CEP76: variants seen among roughly 807,000 people sequenced by gnomAD.
CEP76 encodes centrosomal protein 76.
CEP76 carries 55 observed loss-of-function variants against 83.3 expected under a neutral mutation model. The observed-to-expected ratio is 0.66, with a 90% CI of 0.53 to 0.83. The LOEUF is 0.83. Among genes scored for constraint, CEP76 ranks in the 40% least tolerant of loss-of-function variants. The probability of loss-of-function intolerance (pLI) is 0.00; values close to 1 mark genes in which losing one functional copy is unlikely to be tolerated. For synonymous variants in CEP76, 270 were observed against 274.5 expected (o/e 0.98, Z 0.16); for missense variants, 694 against 799.5 (o/e 0.87, Z 1.59).
chr18:12,683,608 G>A (rs1160443891), intron 8 of CEP76, among the ~76,000 whole-genome samples: 1 of 151,694 alleles, frequency 6.6e-6, no homozygotes, highest in African/African-American at 2.4e-5. Flanking sequence ...AAAATGAGCT[G>A]GGGGTGGTGG....
In CEP76 at chr18:12,678,131, A is replaced by T; in HGVS notation, c.1601T>A (p.Leu534His). The T allele has an allele frequency of 6.2e-7, 1 of 1,612,810 alleles. No homozygotes were observed. The highest frequency in any genetic ancestry group is 8.5e-7 in the Non-Finnish European group (1 of 1,178,788). Residue 534 changes from leucine (L) to histidine (H), a missense_variant, in exon 10 of 12, where the codon CTC becomes CAC. Physicochemically the swap from Leu to His is moderately conservative, Grantham distance 99. Transcript: ENST00000262127. ...TACCTTCCTGTGTTCTGACACCAGG[A>T]GCCTCAGCTGCATTTCAATTTCATT... ...TSNEIEMQLRLLVSEHRKDLG... is the reference protein window; with the variant it reads ...TSNEIEMQLRHLVSEHRKDLG...
chr18:12,692,973 C>T (rs1007200586), intron 6 of CEP76, among the ~76,000 whole-genome samples: 2 of 152,194 alleles, frequency 1.3e-5, no homozygotes, highest in African/African-American at 4.8e-5. Flanking sequence ...CAGGAATGCA[C>T]CACCATGTGC....
chr18:12,671,916 G>A (rs537532817), downstream of CEP76, among the ~76,000 whole-genome samples: 304 of 152,152 alleles, frequency 2.0e-3, 1 homozygote, highest in African/African-American at 6.8e-3. Flanking sequence ...CGCCTCCCAG[G>A]TTCAAGCGAT....
chr18:12,701,434 T>C (rs553905762), intron 1 of CEP76, among the ~76,000 whole-genome samples: 1 of 152,244 alleles, frequency 6.6e-6, no homozygotes, highest in African/African-American at 2.4e-5. Flanking sequence ...CTTTCATACT[T>C]TGATCTGCCT....
chr18:12,672,745 T>G lies in CEP76; in HGVS notation c.*620A>C. 2.1e-6 allele frequency: 2 copies of G among 971,430 alleles called. No homozygotes were observed. The highest frequency in any genetic ancestry group is 2.4e-6 in the Non-Finnish European group (2 of 817,032). The allele number at this position is 971,430 out of a possible 1,614,324, so 60.2% of individuals were successfully genotyped here. A position where few individuals can be genotyped will look rare whatever the true frequency, so the allele number is the denominator to read the frequency against. ...CACAGTGATAAATATTTCTAAATGA[T>G]TCATGTACTTTCATATGAGGTTATT... On this transcript the variant is annotated 3_prime_UTR_variant, in exon 12 of 12. Transcript: ENST00000262127.
intron 8 of CEP76, among the ~76,000 whole-genome samples, chr18:12,682,169 T>G (rs1483463961): frequency 6.6e-6 from 1 of 152,128 alleles, no homozygotes; most frequent in Non-Finnish European, 1.5e-5. Flanking sequence ...TTTCTTTTTT[T>G]TTTCCTCTCT....
chr18:12,666,669 C>T (rs1391613427), intron 12 of CEP76, among the ~76,000 whole-genome samples: 1 of 151,292 alleles, frequency 6.6e-6, no homozygotes, highest in Non-Finnish European at 1.5e-5. Flanking sequence ...AAACTGGTCT[C>T]GAACTCCTCA....
intron 8 of CEP76, among the ~76,000 whole-genome samples, chr18:12,683,901 AAG>A (rs1034313165): frequency 6.6e-6 from 1 of 151,830 alleles, no homozygotes; most frequent in Admixed American, 6.6e-5. Context: ...AAAATATAAA[AAG>A]AAATAATAAA....
At chr18:12,667,381 C>G (rs889095820) in intron 12 of CEP76, among the ~76,000 whole-genome samples, 3 of 150,834 alleles carry the variant, frequency 2.0e-5, no homozygotes, top group African/African-American at 7.3e-5. Flanking sequence ...CCGTTGAGCC[C>G]AGGTGTTCAA....
Position 12,702,549 on chromosome 18 carries a change from G to T in CEP76, c.-1C>A. 1 of 1,592,038 alleles carries T rather than the reference G, an allele frequency of 6.3e-7. No individual in the cohort carries two copies. On this transcript the variant is annotated 5_prime_UTR_variant, in exon 1 of 12. Coordinates refer to ENST00000262127, the MANE Select transcript of CEP76 (RefSeq NM_024899.4). ...AGGCTTTCTCCGGAGGCAGCGACAT[G>T]CTGGCAGCCGGCGTCTCCCCGCCGC...
Position 12,676,272 on chromosome 18 carries a change from G to C in CEP76, c.1624-1519C>G, listed in dbSNP as rs961239944. Among the ~76,000 whole-genome samples, 4 of 139,024 alleles carry C rather than the reference G, an allele frequency of 2.9e-5. No homozygotes were observed. In the Admixed American group the frequency reaches 2.9e-4, roughly 10 times the overall value. The allele number at this position is 139,024 out of a possible 152,430, so 91.2% of individuals were successfully genotyped here. A position where few individuals can be genotyped will look rare whatever the true frequency, so the allele number is the denominator to read the frequency against. On this transcript the variant is annotated intron_variant, in intron 10 of 11. Coordinates refer to ENST00000262127, the MANE Select transcript of CEP76 (RefSeq NM_024899.4). The stretch of plus-strand genomic sequence containing the variant: ...GCTTTGTTTTCTTTTTCTGTAAACA[G>C]TAATTCCTTTTTTTTTTTTTTTTTT...
chr18:12,684,097 T>C (rs146558066), intron 8 of CEP76, among the ~76,000 whole-genome samples: 13,545 of 151,670 alleles, frequency 0.089, 842 homozygotes, highest in Non-Finnish European at 0.13. Flanking sequence ...CGATCTCAGC[T>C]CACTGCAACC....
chr18:12,673,537 A>T, intron 11 of CEP76, 34 bp from the exon 12 acceptor site: 1 of 1,493,276 alleles, frequency 6.7e-7, no homozygotes, highest in South Asian at 1.2e-5. Context: ...TCAATTAAGA[A>T]GTGACCATAC....
At chr18:12,686,790 AGTAT>A (rs2039555550) in intron 7 of CEP76, 1 of 172,826 alleles carries the variant, frequency 5.8e-6, no homozygotes, top group Admixed American at 5.7e-5. Context: ...TCTAAGCTGA[AGTAT>A]TTTTTCACAT....
At chr18:12,688,093 A>C (rs377470282) in intron 7 of CEP76, among the ~76,000 whole-genome samples, 86 of 151,820 alleles carry the variant, frequency 5.7e-4, no homozygotes, top group African/African-American at 1.9e-3. Flanking sequence ...AATACAAAAA[A>C]AATTAGCCAG....
intron 12 of CEP76, among the ~76,000 whole-genome samples, chr18:12,664,698 C>CT (rs76222169): frequency 0.023 from 3,132 of 137,600 alleles, 82 homozygotes; most frequent in African/African-American, 0.062. Flanking sequence ...TTGTCCTGAT[C>CT]TTTTTTTTTT....
chr18:12,679,799 A>G (rs2039280218), intron 9 of CEP76, among the ~76,000 whole-genome samples: 1 of 152,206 alleles, frequency 6.6e-6, no homozygotes. Context: ...GTGGTGGCTC[A>G]TGCCTATAAT....
chr18:12,698,935 CAA>C (rs1373177510), intron 4 of CEP76, 42 bp downstream of exon 4: 1 of 1,333,172 alleles, frequency 7.5e-7, no homozygotes, highest in Admixed American at 2.0e-5. Context: ...TAAAACATAA[CAA>C]AGATTTACTC....
Position 12,697,268 on chromosome 18 carries a change from A to G in CEP76, c.661T>C (p.Ser221Pro). 6.2e-7 allele frequency: 1 copy of G among 1,613,732 alleles called. No individual in the cohort carries two copies. The highest frequency in any genetic ancestry group is 8.5e-7 in the Non-Finnish European group (1 of 1,179,830). The change falls in exon 5 of 12, where the codon TCA becomes CCA. Residue 221 changes from serine to proline, a missense_variant. Ser to Pro is a moderately conservative substitution (Grantham distance 74, BLOSUM62 -1). Coordinates refer to ENST00000262127, the MANE Select transcript of CEP76 (RefSeq NM_024899.4). ...GTCAGACTGGTCACTCCATTTTCTG[A>G]GCCCAAAACCGATCGCCATTCCAGA... The part of the protein sequence containing the change: ...YFLEWRSVLG[S>P]ENGVTSLTVE...
Sources: allele counts gnomAD v4.1 joint callset (sites outside exome capture counted in the v4.1 genomes callset), GRCh38; gene constraint gnomAD v4.1.1; transcripts MANE v1.5; gene names NCBI Gene and HGNC (gene_info 2026-07-23, HGNC 2026-07-21).